The following FBN1 variants were observed in gnomAD, a reference collection of about 807,000 sequenced individuals.
FBN1 encodes fibrillin 1, also known as fibrillin-1.
FBN1 carries 29 observed loss-of-function variants against 365.1 expected under a neutral mutation model. The ratio of observed to expected loss-of-function variants is 0.08; its 90% CI spans 0.06 to 0.11. The LOEUF is 0.11. Among genes scored for constraint, FBN1 ranks in the 10% least tolerant of loss-of-function variants. FBN1 has a pLI of 1.00. For missense variants in FBN1, 2,476 were observed against 3,703.2 expected (o/e 0.67, Z 8.60); for synonymous variants, 1,210 against 1,270.5 (o/e 0.95, Z 1.01).
chr15:48,417,687 G>A (rs1039477214), intron 63 of FBN1, among the ~76,000 whole-genome samples: 4 of 152,006 alleles, frequency 2.6e-5, no homozygotes, highest in Admixed American at 6.6e-5. Context: ...TGCTCAACAC[G>A]TTATCTGTGT....
chr15:48,640,995 T>C lies in FBN1; in HGVS notation c.164+3611A>G, dbSNP rs185654703. 25 of 152,322 alleles carry C rather than the reference T, an allele frequency of 1.6e-4. 1 individual carries two copies. The highest frequency in any genetic ancestry group is 6.0e-4 in the African/African-American group (25 of 41,574). The allele number at this position is 152,322 out of a possible 1,614,324, so 9.4% of individuals were successfully genotyped here. A position where few individuals can be genotyped will look rare whatever the true frequency, so the allele number is the denominator to read the frequency against. On this transcript the variant is annotated intron_variant, in intron 2 of 65. Coordinates refer to ENST00000316623, the MANE Select transcript of FBN1 (RefSeq NM_000138.5). ...GAATTGAAAGTCAAACAAATAGCGT[T>C]ATGATTTTATTATTTTTCATAAACC...
intron 60 of FBN1, among the ~76,000 whole-genome samples, chr15:48,424,691 C>G (rs983741083): frequency 2.6e-5 from 4 of 152,152 alleles, no homozygotes; most frequent in African/African-American, 9.7e-5. Flanking sequence ...TCTGATTTCC[C>G]AAATTATTGT....
intron 25 of FBN1, 136 bp from the exon 26 acceptor site, chr15:48,488,629 T>C: frequency 1.1e-6 from 1 of 943,732 alleles, no homozygotes; most frequent in Non-Finnish European, 1.6e-6. Context: ...TCCAAGAATG[T>C]GTGATGATCC....
rs56101864 is a variant in FBN1 at position 48,465,467 on chromosome 15, T to A, written c.4942+101A>T. On this transcript the variant is annotated intron_variant, in intron 40 of 65. Coordinates refer to ENST00000316623, the MANE Select transcript of FBN1 (RefSeq NM_000138.5). ...GGCTATGTTCGTGTTTAGAACATTG[T>A]GCTACACTGCTAAATTCTATTTTCC... is the stretch of plus-strand genomic sequence containing the variant. 0.016 allele frequency: 22,578 copies of A among 1,391,814 alleles called. 562 individuals carry two copies. Among genetic ancestry groups the A allele is most frequent in the East Asian group, 0.11 (4,671 of 43,708 alleles). The allele number at this position is 1,391,814 out of a possible 1,614,324, so 86.2% of individuals were successfully genotyped here. A position where few individuals can be genotyped will look rare whatever the true frequency, so the allele number is the denominator to read the frequency against.
rs148942803 is a variant in FBN1, at chr15:48,481,806, T to C, written c.3839-26A>G. On this transcript the variant is annotated intron_variant, in intron 31 of 65. Transcript: ENST00000316623. ...CTGTAAAACATATATACTATTAATA[T>C]ATGTAGCTATTTGATATCATTGAGT... 6 of 1,600,772 alleles carry C rather than the reference T, an allele frequency of 3.7e-6. No homozygotes were observed. The East Asian group carries it at 1.3e-4, about 36-fold the overall frequency.
chr15:48,422,654 C>T (rs1328955392), intron 60 of FBN1, among the ~76,000 whole-genome samples: 1 of 152,228 alleles, frequency 6.6e-6, no homozygotes, highest in African/African-American at 2.4e-5. Context: ...TAGCTAAAGG[C>T]ACTTTTAATA....
chr15:48,524,537 T>A (rs1410894212), intron 9 of FBN1, among the ~76,000 whole-genome samples: 1 of 152,174 alleles, frequency 6.6e-6, no homozygotes, highest in African/African-American at 2.4e-5. Context: ...TTGGATCATT[T>A]TGTATGACAA....
At chr15:48,523,882 AGAG>A (rs893377409) in intron 9 of FBN1, among the ~76,000 whole-genome samples, 3 of 152,234 alleles carry the variant, frequency 2.0e-5, no homozygotes, top group Non-Finnish European at 2.9e-5. Flanking sequence ...CATCTGGCGA[AGAG>A]GAGGAGGAAA....
chr15:48,597,462 G>T (rs1455884199), intron 5 of FBN1, among the ~76,000 whole-genome samples: 4 of 152,170 alleles, frequency 2.6e-5, no homozygotes, highest in African/African-American at 9.7e-5. Context: ...GCTTTTTGGA[G>T]CTGCACTACA....
At chr15:48,470,929 C>T (rs528404885) in intron 35 of FBN1, among the ~76,000 whole-genome samples, 173 bp from the exon 36 acceptor site, 1 of 152,262 alleles carries the variant, frequency 6.6e-6, no homozygotes, top group East Asian at 1.9e-4. Flanking sequence ...AGTGAAGTCT[C>T]GTAGGTGAGA....
In FBN1 at chr15:48,520,661, G is replaced by A; in HGVS notation, c.1145C>T (p.Thr382Ile). ...CAGATAACTGGAAGGGCTCTTACCGGTTGCTCTGATGGGACACATCTCAGG... is the reference window on the plus strand; with the variant it reads ...CAGATAACTGGAAGGGCTCTTACCGATTGCTCTGATGGGACACATCTCAGG... ...VAPEMCPIRATEDFNKLCSVP... is the reference protein window; with the variant it reads ...VAPEMCPIRAIEDFNKLCSVP... Residue 382 changes from threonine to isoleucine, a missense_variant and splice_region_variant, in exon 10 of 66, where the codon ACC becomes ATC. By Grantham distance (89) the Thr-to-Ile change is moderately conservative. Coordinates refer to ENST00000316623, the MANE Select transcript of FBN1 (RefSeq NM_000138.5). The A allele has an allele frequency of 6.2e-7, 1 of 1,614,046 alleles. No homozygotes were observed. The highest frequency in any genetic ancestry group is 1.7e-5 in the Admixed American group (1 of 60,008).
chr15:48,501,229 A>G (rs1282235278), intron 17 of FBN1, among the ~76,000 whole-genome samples: 5 of 152,346 alleles, frequency 3.3e-5, no homozygotes, highest in African/African-American at 1.2e-4. Context: ...GTGAGGCCTA[A>G]TAAGAGGTGA....
In FBN1 at chr15:48,415,681, C is replaced by CG; in HGVS notation, c.7905dup (p.Gly2636ArgfsTer5). On this transcript the variant is annotated frameshift_variant, in exon 64 of 66. Transcript: ENST00000316623. LOFTEE classifies it high-confidence loss of function. The stretch of plus-strand genomic sequence containing the variant: ...CCACTGAACTGTTCATACTGGAAGC[C>CG]GGCGGGACACATGCACTTGTAGCTC... 1 of 1,614,062 alleles carries CG rather than the reference C, an allele frequency of 6.2e-7. No homozygotes were observed. Among genetic ancestry groups the CG allele is most frequent in the East Asian group, 2.2e-5 (1 of 44,900 alleles).
At chr15:48,503,960 G>A (rs1597574356) in intron 16 of FBN1, 21 bp from the exon 17 acceptor site, 1 of 1,613,788 alleles carries the variant, frequency 6.2e-7, no homozygotes, top group Admixed American at 1.7e-5. Context: ...AGAAGCATCT[G>A]TCATCACACT....
rs112898751 is a variant in FBN1, at chr15:48,449,172, C to T, written c.5546-279G>A. Reference sequence around the variant, plus strand: ...AGAAGTAAAATGGGGGGATTCAAGCCGGGAGGATTTTCTGTTTGATTATCG... The same window carrying T: ...AGAAGTAAAATGGGGGGATTCAAGCTGGGAGGATTTTCTGTTTGATTATCG... On this transcript the variant is annotated intron_variant, in intron 45 of 65. Transcript: ENST00000316623. Among the ~76,000 whole-genome samples the T allele has an allele frequency of 0.022, 3,328 of 152,070 alleles. 69 individuals carry two copies. Among genetic ancestry groups the T allele is most frequent in the East Asian group, 0.083 (431 of 5,172 alleles).
At chr15:48,496,348 C>A in intron 19 of FBN1, 123 bp from the exon 20 acceptor site, 1 of 1,208,300 alleles carries the variant, frequency 8.3e-7, no homozygotes, top group Admixed American at 1.9e-5. Context: ...AAAGGCAAAA[C>A]TCCTGTAGCA....
chr15:48,553,835 C>T (rs1239413291), intron 6 of FBN1, among the ~76,000 whole-genome samples: 1 of 152,064 alleles, frequency 6.6e-6, no homozygotes, highest in Non-Finnish European at 1.5e-5. Context: ...ATAAGATGAG[C>T]ACTGGAATCT....
intron 6 of FBN1, among the ~76,000 whole-genome samples, chr15:48,552,615 C>G (rs1215463821): frequency 6.6e-6 from 1 of 152,050 alleles, no homozygotes; most frequent in African/African-American, 2.4e-5. Flanking sequence ...TACCATATAC[C>G]TCCAAATTCA....
In FBN1 at chr15:48,644,668, C is replaced by G. The variant is rs1294282675; in HGVS notation, c.102G>C (p.Val34=). 14 of 1,613,856 alleles carry G rather than the reference C, an allele frequency of 8.7e-6. No individual in the cohort carries two copies. In the Admixed American group the frequency reaches 2.3e-4, roughly 27 times the overall value. ...TGGCCCGACTGGCTCTGGTTTCCTTCACGTTCCCAGCCTCCAAATTGGCGT... is the reference window on the plus strand; with the variant it reads ...TGGCCCGACTGGCTCTGGTTTCCTTGACGTTCCCAGCCTCCAAATTGGCGT... ...GADANLEAGN[V]KETRASRAKR... Residue 34 remains valine, a synonymous_variant, in exon 2 of 66, where the codon GTG becomes GTC. Coordinates refer to ENST00000316623, the MANE Select transcript of FBN1 (RefSeq NM_000138.5).
Sources: allele counts gnomAD v4.1 joint callset (sites outside exome capture counted in the v4.1 genomes callset), GRCh38; gene constraint gnomAD v4.1.1; transcripts MANE v1.5; gene names NCBI Gene and HGNC (gene_info 2026-07-23, HGNC 2026-07-21).